TAFA1: variants seen among roughly 807,000 people sequenced by gnomAD.
TAFA1 encodes TAFA chemokine like family member 1.
In TAFA1, 4 loss-of-function variants were observed where a neutral mutation model predicts 18.5. The observed-to-expected ratio is 0.22, with a 90% CI of 0.11 to 0.49. TAFA1 has a LOEUF of 0.49. TAFA1 is among the 20% of genes least tolerant of loss of function. The pLI is 0.98. For missense variants in TAFA1, 147 were observed against 169.0 expected (o/e 0.87, Z 0.72); for synonymous variants, 56 against 55.2 (o/e 1.01, Z -0.06).
intron 2 of TAFA1, among the ~76,000 whole-genome samples, chr3:68,104,184 G>C (rs965729552): frequency 1.2e-4 from 19 of 152,004 alleles, no homozygotes; most frequent in Admixed American, 2.6e-4. Flanking sequence ...AAGAGGCAGA[G>C]GGGATTAAAA....
chr3:68,341,617 G>C (rs2069086255), intron 2 of TAFA1, among the ~76,000 whole-genome samples: 1 of 152,126 alleles, frequency 6.6e-6, no homozygotes, highest in Non-Finnish European at 1.5e-5. Context: ...TACCAATTTT[G>C]TTGCAGAATT....
At chr3:68,489,311 G>T (rs1206913060) in intron 3 of TAFA1, among the ~76,000 whole-genome samples, 1 of 152,160 alleles carries the variant, frequency 6.6e-6, no homozygotes, top group African/African-American at 2.4e-5. Flanking sequence ...TCACCATGAA[G>T]GAATGAGGAG....
chr3:68,246,405 A>C (rs1245075752), intron 2 of TAFA1, among the ~76,000 whole-genome samples: 1 of 151,792 alleles, frequency 6.6e-6, no homozygotes, highest in East Asian at 1.9e-4. Context: ...CCTGGCTAAC[A>C]CGGTGAAACC....
At chr3:68,223,653 C>T (rs2066759693) in intron 2 of TAFA1, among the ~76,000 whole-genome samples, 1 of 151,980 alleles carries the variant, frequency 6.6e-6, no homozygotes, top group Admixed American at 6.6e-5. Flanking sequence ...GGAAGTCAAA[C>T]ACTTAGCAAC....
At chr3:68,316,981 T>A (rs1170473394) in intron 2 of TAFA1, among the ~76,000 whole-genome samples, 5 of 152,180 alleles carry the variant, frequency 3.3e-5, no homozygotes, top group Non-Finnish European at 7.4e-5. Flanking sequence ...CATTCATTCA[T>A]TTTTTTGATA....
intron 2 of TAFA1, among the ~76,000 whole-genome samples, chr3:68,357,673 C>T (rs1318882034): frequency 6.6e-6 from 1 of 151,872 alleles, no homozygotes. Flanking sequence ...GAGAAAATGG[C>T]TCTTGTCAAC....
intron 3 of TAFA1, among the ~76,000 whole-genome samples, chr3:68,435,542 C>A (rs1183245690): frequency 6.6e-6 from 1 of 152,148 alleles, no homozygotes; most frequent in Non-Finnish European, 1.5e-5. Context: ...GCCCAAATTT[C>A]TAACCAATAC....
At chr3:68,075,263 C>G (rs1271131502) in intron 2 of TAFA1, among the ~76,000 whole-genome samples, 1 of 152,164 alleles carries the variant, frequency 6.6e-6, no homozygotes, top group African/African-American at 2.4e-5. Context: ...TCCATTGAAG[C>G]CTGTGACCTC....
intron 2 of TAFA1, among the ~76,000 whole-genome samples, chr3:68,205,458 G>A (rs2066515243): frequency 6.6e-6 from 1 of 151,858 alleles, no homozygotes; most frequent in African/African-American, 2.4e-5. Flanking sequence ...GTGACCCTAA[G>A]GAAGGCACAA....
At chr3:68,062,703 G>A (rs909192519) in intron 2 of TAFA1, among the ~76,000 whole-genome samples, 1 of 152,178 alleles carries the variant, frequency 6.6e-6, no homozygotes, top group Non-Finnish European at 1.5e-5. Context: ...TCAGTTTGAA[G>A]TAGTAGGGGA....
chr3:68,184,229 A>G (rs2066241834), intron 2 of TAFA1, among the ~76,000 whole-genome samples: 1 of 152,160 alleles, frequency 6.6e-6, no homozygotes, highest in African/African-American at 2.4e-5. Context: ...AACATTTATG[A>G]TAATTCAGAT....
chr3:68,155,957 G>A (rs974689879), intron 2 of TAFA1, among the ~76,000 whole-genome samples: 5 of 152,004 alleles, frequency 3.3e-5, no homozygotes, highest in South Asian at 2.1e-4. Flanking sequence ...ACACAACAGC[G>A]GTTGCAGGCA....
At chr3:68,469,309 C>T (rs2071950674) in intron 3 of TAFA1, among the ~76,000 whole-genome samples, 1 of 152,110 alleles carries the variant, frequency 6.6e-6, no homozygotes, top group African/African-American at 2.4e-5. Flanking sequence ...GGGAAGTAGG[C>T]ATGTGAAAAG....
At chr3:68,449,375 G>A (rs1359774394) in intron 3 of TAFA1, among the ~76,000 whole-genome samples, 1 of 152,138 alleles carries the variant, frequency 6.6e-6, no homozygotes, top group Admixed American at 6.5e-5. Context: ...GTAAGGGCGA[G>A]AACAGAGAAG....
intron 2 of TAFA1, among the ~76,000 whole-genome samples, chr3:68,389,874 G>T (rs1421684095): frequency 6.6e-6 from 1 of 152,154 alleles, no homozygotes; most frequent in East Asian, 1.9e-4. Flanking sequence ...CCACAGACCA[G>T]ATTTGCTTGG....
intron 2 of TAFA1, among the ~76,000 whole-genome samples, chr3:68,381,897 G>C (rs1175702229): frequency 3.9e-5 from 6 of 152,102 alleles, no homozygotes; most frequent in Admixed American, 6.6e-5. Flanking sequence ...GTATGATATT[G>C]GCTGTGGGTT....
intron 2 of TAFA1, among the ~76,000 whole-genome samples, chr3:68,273,252 G>A (rs1213172095): frequency 3.3e-5 from 5 of 152,064 alleles, no homozygotes; most frequent in South Asian, 2.1e-4. Flanking sequence ...AAAGCCCCTG[G>A]GGTAAGATGT....
At chr3:68,305,015 A>G (rs2068377670) in intron 2 of TAFA1, among the ~76,000 whole-genome samples, 1 of 152,082 alleles carries the variant, frequency 6.6e-6, no homozygotes, top group African/African-American at 2.4e-5. Flanking sequence ...GATGGCCAAA[A>G]CTAAGTACCA....
At chr3:68,021,078 C>T (rs376903329) in intron 2 of TAFA1, among the ~76,000 whole-genome samples, 8 of 148,606 alleles carry the variant, frequency 5.4e-5, no homozygotes, top group South Asian at 4.3e-4. Context: ...CCCAGCTACT[C>T]GGAAGGCTGA....
Sources: allele counts gnomAD v4.1 joint callset (sites outside exome capture counted in the v4.1 genomes callset), GRCh38; gene constraint gnomAD v4.1.1; transcripts MANE v1.5; gene names NCBI Gene and HGNC (gene_info 2026-07-23, HGNC 2026-07-21).